The following TTLL3 variants were observed in gnomAD, a reference collection of about 807,000 sequenced individuals.
TTLL3 encodes tubulin monoglycylase TTLL3.
TTLL3 carries 63 observed loss-of-function variants against 75.2 expected under a neutral mutation model. The observed-to-expected ratio is 0.84, with a 90% CI of 0.68 to 1.03. The LOEUF (loss-of-function observed/expected upper bound fraction) is 1.03, where lower values mean the gene tolerates loss of function less well. TTLL3 is among the 50% of genes least tolerant of loss of function. The pLI, the probability that TTLL3 is intolerant of heterozygous loss-of-function variation, is 0.00. For missense variants in TTLL3, 997 were observed against 1,069.9 expected, an observed-to-expected ratio of 0.93 and a Z score of 0.95; for synonymous variants, 393 against 418.5, an observed-to-expected ratio of 0.94 and a Z score of 0.74.
chr3:9,830,946 G>A (rs1575412053), intron 11 of TTLL3, among the ~76,000 whole-genome samples: 1 of 152,262 alleles, frequency 6.6e-6, no homozygotes, highest in South Asian at 2.1e-4. Context: ...GGGACTACAG[G>A]TGCCTGCCAC....
In TTLL3 at chr3:9,831,256, G is replaced by A. The variant is rs1383118105; in HGVS notation, c.1684-1848G>A. On this transcript the variant is annotated intron_variant, in intron 11 of 13. Coordinates refer to ENST00000685419, the MANE Select transcript of TTLL3 (RefSeq NM_001387446.1). ...ATAGTTTTGATCTTTTGAGGGGCCA[G>A]GCGGGTTGTTTTGTAGAACTGTCCC... Among the ~76,000 whole-genome samples the A allele has an allele frequency of 2.6e-5, 4 of 152,282 alleles. No individual in the cohort carries two copies. The East Asian group carries it at 7.7e-4, about 29-fold the overall frequency.
Position 9,829,263 on chromosome 3 carries a change from C to T in TTLL3, c.1551C>T (p.Pro517=). ...GGCTGATTGAGATCAACGCCAGCCC[C>T]ACGATGGCACCCTCCACAGCAGTCA... ...QPWLIEINAS[P]TMAPSTAVTA... is the part of the protein sequence containing the mutation. The change falls in exon 11 of 14, where the codon CCC becomes CCT. Residue 517 remains proline, a synonymous_variant. Transcript: ENST00000685419. The T allele has an allele frequency of 6.2e-7, 1 of 1,614,214 alleles. No homozygotes were observed. Among genetic ancestry groups the T allele is most frequent in the Non-Finnish European group, 8.5e-7 (1 of 1,180,040 alleles).
Position 9,817,655 on chromosome 3 carries a change from G to A in TTLL3, c.455G>A (p.Cys152Tyr), listed in dbSNP as rs955907885. The A allele has an allele frequency of 9.3e-6, 15 of 1,614,032 alleles. No individual in the cohort carries two copies. The highest frequency in any genetic ancestry group is 1.3e-5 in the Non-Finnish European group (15 of 1,180,044). ...TGGCTAACTCCGTAGGTGGGTCTATGTCTCAATCTCCGGAATTTGCCGTGG... is the reference window on the plus strand; with the variant it reads ...TGGCTAACTCCGTAGGTGGGTCTATATCTCAATCTCCGGAATTTGCCGTGG... ...AGSFTTKVGL[C>Y]LNLRNLPWFD... Residue 152 changes from cysteine to tyrosine, a missense_variant, in exon 6 of 14, where the codon TGT becomes TAT. Transcript: ENST00000685419.
intron 6 of TTLL3, chr3:9,818,090 A>C: frequency 4.5e-6 from 1 of 220,232 alleles, no homozygotes; most frequent in Non-Finnish European, 9.0e-6. Context: ...GGTTCCAAAA[A>C]AGGCTGCAGG....
In TTLL3 at chr3:9,813,109, A is replaced by C; in HGVS notation, c.215A>C (p.Asp72Ala). The change falls in exon 3 of 14, where the codon GAT becomes GCT. Residue 72 changes from aspartate to alanine, a missense_variant and splice_region_variant. Coordinates refer to ENST00000685419, the MANE Select transcript of TTLL3 (RefSeq NM_001387446.1). Reference protein sequence around the residue: ...SAMGDSDTTEDEDEDEDEEFQ... With the variant: ...SAMGDSDTTEAEDEDEDEEFQ... ...ATGGGTGACAGTGACACCACTGAGGATGGTGAGTGGTTCCTTCCCTTTCCA... is the reference window on the plus strand; with the variant it reads ...ATGGGTGACAGTGACACCACTGAGGCTGGTGAGTGGTTCCTTCCCTTTCCA... 6.3e-7 allele frequency: 1 copy of C among 1,584,042 alleles called. No individual in the cohort carries two copies. The highest frequency in any genetic ancestry group is 8.6e-7 in the Non-Finnish European group (1 of 1,162,034).
chr3:9,810,710 G>T lies in TTLL3; in HGVS notation c.48+1G>T. 2 of 1,584,738 alleles carry T rather than the reference G, an allele frequency of 1.3e-6. No homozygotes were observed. The highest frequency in any genetic ancestry group is 2.3e-5 in the East Asian group (1 of 43,960). On this transcript the variant is annotated splice_donor_variant, in intron 2 of 13. Transcript: ENST00000685419. LOFTEE classifies it high-confidence loss of function. The surrounding 1 kb of genome is among the most constrained non-coding windows in gnomAD (Gnocchi z 4.4). Reference sequence around the variant, plus strand: ...AATCTACGTGGAGAGAGCTGTCAAGGTCAGAGGAGGGGCAGGGGCGCTTAG... The same window carrying T: ...AATCTACGTGGAGAGAGCTGTCAAGTTCAGAGGAGGGGCAGGGGCGCTTAG...
At chr3:9,813,897 T>G (rs1404218436) in intron 4 of TTLL3, among the ~76,000 whole-genome samples, 2 of 152,002 alleles carry the variant, frequency 1.3e-5, no homozygotes, top group Admixed American at 1.3e-4. Flanking sequence ...TCATACCAGA[T>G]GCCAGCACAG....
Position 9,834,746 on chromosome 3 carries a change from C to A in TTLL3, c.1891C>A (p.Gln631Lys). Residue 631 changes from glutamine (Q) to lysine (K), a missense_variant, in exon 13 of 14, where the codon CAG becomes AAG. Physicochemically the swap from Gln to Lys is moderately conservative, Grantham distance 53. Transcript: ENST00000685419. ...QLPSPHVLRH[Q>K]GQVLRRQHSK... is the part of the protein sequence containing the mutation. ...GCCTTCTCCCCATGTACTCCGACACCAGGGCCAGGTCCTCAGACGACAGCA... is the reference window on the plus strand; with the variant it reads ...GCCTTCTCCCCATGTACTCCGACACAAGGGCCAGGTCCTCAGACGACAGCA... 6.2e-7 allele frequency: 1 copy of A among 1,614,232 alleles called. No individual in the cohort carries two copies.
Position 9,834,794 on chromosome 3 carries a change from G to A in TTLL3, c.1939G>A (p.Ala647Thr). The A allele has an allele frequency of 6.2e-7, 1 of 1,614,186 alleles. No homozygotes were observed. The highest frequency in any genetic ancestry group is 8.5e-7 in the Non-Finnish European group (1 of 1,180,034). The change falls in exon 13 of 14, where the codon GCC becomes ACC. Residue 647 changes from alanine (A) to threonine (T), a missense_variant. Transcript: ENST00000685419. ...RQHSKLVGTK[A>T]LSTTGKALRT... Reference sequence around the variant, plus strand: ...GCACAGCAAGCTGGTGGGCACTAAGGCCCTGTCGACCACAGGCAAGGCCTT... The same window carrying A: ...GCACAGCAAGCTGGTGGGCACTAAGACCCTGTCGACCACAGGCAAGGCCTT...
chr3:9,825,772 C>T (rs1361930164), intron 8 of TTLL3, 28 bp from the exon 9 acceptor site: 8 of 1,613,864 alleles, frequency 5.0e-6, no homozygotes, highest in African/African-American at 4.0e-5. Flanking sequence ...AGGTCCAGCC[C>T]TGCCCAAGTT....
intron 7 of TTLL3, chr3:9,819,271 A>G: frequency 3.8e-6 from 1 of 264,186 alleles, no homozygotes; most frequent in East Asian, 9.2e-5. Context: ...CCTTCCACAG[A>G]TCCACCTACC....
chr3:9,821,470 G>C (rs1478445567), intron 8 of TTLL3, among the ~76,000 whole-genome samples: 1 of 152,192 alleles, frequency 6.6e-6, no homozygotes, highest in Non-Finnish European at 1.5e-5. Context: ...TTTGAGACCT[G>C]CAGGAAGCCA....
At position 9,835,594 on chromosome 3, in the gene TTLL3, G is replaced by A. The variant is rs1320084924; in HGVS notation, c.*105G>A. 1.0e-5 allele frequency: 12 copies of A among 1,170,480 alleles called. No homozygotes were observed. Among genetic ancestry groups the A allele is most frequent in the South Asian group, 1.6e-5 (1 of 63,562 alleles). The allele number at this position is 1,170,480 out of a possible 1,614,324, so 72.5% of individuals were successfully genotyped here. ...CCCCCAGCATCTCCGATCCAGGGGT[G>A]GGGAGCGTGAGCCTTCACTTTACAG... On this transcript the variant is annotated 3_prime_UTR_variant, in exon 14 of 14. Coordinates refer to ENST00000685419, the MANE Select transcript of TTLL3 (RefSeq NM_001387446.1).
rs1186451752 is a variant in TTLL3, at chr3:9,810,919, T to C, written c.48+210T>C. Among the ~76,000 whole-genome samples, 2 of 152,144 alleles carry C rather than the reference T, an allele frequency of 1.3e-5. No individual in the cohort carries two copies. The highest frequency in any genetic ancestry group is 6.5e-5 in the Admixed American group (1 of 15,270). On this transcript the variant is annotated intron_variant, in intron 2 of 13. Coordinates refer to ENST00000685419, the MANE Select transcript of TTLL3 (RefSeq NM_001387446.1). This position sits in a 1 kb window ranked among gnomAD's most constrained non-coding sequence, Gnocchi z 4.4. Reference sequence around the variant, plus strand: ...CCCTCCACTCTGGTTCCCTGCGATGTCCCACTCTAATCAAGGTGCCTGGTG... The same window carrying C: ...CCCTCCACTCTGGTTCCCTGCGATGCCCCACTCTAATCAAGGTGCCTGGTG...
chr3:9,821,773 C>T (rs1019115521), intron 8 of TTLL3, among the ~76,000 whole-genome samples: 12 of 152,054 alleles, frequency 7.9e-5, no homozygotes, highest in Admixed American at 1.3e-4. Flanking sequence ...GAGGCTGAGG[C>T]GGGCAGATCA....
intron 6 of TTLL3, 32 bp from the exon 7 acceptor site, chr3:9,818,790 G>T (rs777985578): frequency 6.2e-7 from 1 of 1,613,842 alleles, no homozygotes; most frequent in Non-Finnish European, 8.5e-7. Context: ...AAGCCTAGGG[G>T]CTGAGCAGGG....
At chr3:9,831,908 C>T (rs746620986) in intron 11 of TTLL3, among the ~76,000 whole-genome samples, 13 of 150,530 alleles carry the variant, frequency 8.6e-5, no homozygotes, top group South Asian at 6.3e-4. Context: ...AAGTGATTCT[C>T]CTCAGATCCC....
Position 9,835,287 on chromosome 3 carries a change from T to C in TTLL3, c.2246T>C (p.Val749Ala), listed in dbSNP as rs1332479048. Residue 749 changes from valine (V) to alanine (A), a missense_variant, in exon 14 of 14, where the codon GTT becomes GCT. Val to Ala is a moderately conservative substitution (Grantham distance 64, BLOSUM62 0). Coordinates refer to ENST00000685419, the MANE Select transcript of TTLL3 (RefSeq NM_001387446.1). ...RLSPLKPLPL[V>A]GTFQRRRGLG... ...AGCCCCCTGAAACCCCTGCCCCTTG[T>C]TGGTACATTCCAGAGGCGCAGGGGC... 30 of 1,614,072 alleles carry C rather than the reference T, an allele frequency of 1.9e-5. No individual in the cohort carries two copies. Among genetic ancestry groups the C allele is most frequent in the Non-Finnish European group, 2.4e-5 (28 of 1,180,034 alleles).
chr3:9,833,773 T>C (rs11131193), intron 12 of TTLL3, among the ~76,000 whole-genome samples: 133,673 of 152,062 alleles, frequency 0.88, 58,968 homozygotes, highest in Middle Eastern at 0.91. Context: ...CCCGGGAGGT[T>C]AAGGCTGCAG....
Sources: gnomAD v4.1 joint callset for allele counts (sites outside exome capture counted in the v4.1 genomes callset) on GRCh38, gnomAD v4.1.1 for gene constraint, Gnocchi (gnomAD v3.1) non-coding constraint, MANE v1.5 for transcripts, NCBI Gene and HGNC (gene_info 2026-07-23, HGNC 2026-07-21) for gene names.